EPB41L2: variants seen among roughly 807,000 people sequenced by gnomAD.
The protein encoded by EPB41L2 is erythrocyte membrane protein band 4.1 like 2.
A neutral mutation model predicts 113.0 loss-of-function variants in EPB41L2; 43 were observed. That is an observed-to-expected ratio of 0.38 (90% confidence interval 0.30 to 0.49). The LOEUF is 0.49. Ranked by LOEUF, EPB41L2 falls within the 20% of genes least tolerant of loss-of-function variation. EPB41L2 has a pLI of 0.95. For missense variants in EPB41L2, 1,147 were observed against 1,223.4 expected, an observed-to-expected ratio of 0.94 and a Z score of 0.93; for synonymous variants, 442 against 436.7, an observed-to-expected ratio of 1.01 and a Z score of -0.15.
chr6:130,982,209 C>T (rs1452616124), intron 1 of EPB41L2, among the ~76,000 whole-genome samples: 1 of 152,024 alleles, frequency 6.6e-6, no homozygotes, highest in African/African-American at 2.4e-5. Context: ...GCTTTCAATA[C>T]TGTAGTTTTG....
chr6:130,943,905 C>T lies in EPB41L2; in HGVS notation c.705+11200G>A, dbSNP rs969886023. Among the ~76,000 whole-genome samples the T allele has an allele frequency of 3.0e-4, 46 of 152,044 alleles. 1 individual carries two copies. The highest frequency in any genetic ancestry group is 2.0e-4 in the Admixed American group (3 of 15,236). The stretch of plus-strand genomic sequence containing the variant: ...AACAGAAGTGAAAGAACAGAGCTTC[C>T]GGGAGCCTGCAATTCCCTCTGAGCT... On this transcript the variant is annotated intron_variant, in intron 3 of 19. Coordinates refer to ENST00000337057, the MANE Select transcript of EPB41L2 (RefSeq NM_001431.4).
intron 1 of EPB41L2, among the ~76,000 whole-genome samples, chr6:130,980,446 A>C (rs1238226522): frequency 6.6e-6 from 1 of 152,222 alleles, no homozygotes; most frequent in South Asian, 2.1e-4. Flanking sequence ...ACCACAGAGA[A>C]GAGTTTAACC....
intron 3 of EPB41L2, among the ~76,000 whole-genome samples, chr6:130,952,325 A>G (rs914164357): frequency 1.8e-5 from 2 of 108,694 alleles, no homozygotes; most frequent in Non-Finnish European, 4.7e-5. Flanking sequence ...AGAAACTCTT[A>G]CACAAGGAAA....
At chr6:130,933,717 G>T (rs962960184) in intron 3 of EPB41L2, among the ~76,000 whole-genome samples, 3 of 152,212 alleles carry the variant, frequency 2.0e-5, no homozygotes, top group Admixed American at 1.3e-4. Context: ...GCCCAAGGAA[G>T]GCAGGCTGGA....
intron 3 of EPB41L2, among the ~76,000 whole-genome samples, chr6:130,943,104 A>G (rs4897477): frequency 0.27 from 40,969 of 152,068 alleles, 6,888 homozygotes; most frequent in Non-Finnish European, 0.37. Flanking sequence ...TCCTTTGGGT[A>G]TATACCCAGT....
At chr6:130,912,053 C>G (rs1336948731) in intron 4 of EPB41L2, among the ~76,000 whole-genome samples, 1 of 152,152 alleles carries the variant, frequency 6.6e-6, no homozygotes, top group Non-Finnish European at 1.5e-5. Context: ...GGAGCACAAA[C>G]CCTATTGTGA....
At chr6:130,875,984 CAAAA>C (rs11452626) in intron 14 of EPB41L2, among the ~76,000 whole-genome samples, 1 of 128,498 alleles carries the variant, frequency 7.8e-6, no homozygotes. Context: ...GAGTGCATCT[CAAAA>C]AAAAAAAAAA....
chr6:130,911,374 T>TG (rs1216168411), intron 4 of EPB41L2, among the ~76,000 whole-genome samples: 3 of 151,452 alleles, frequency 2.0e-5, no homozygotes, highest in Non-Finnish European at 4.4e-5. Context: ...TGTTGGGGTG[T>TG]GGGGGGCTAG....
At chr6:131,023,756 G>GATATATAT (rs1379644607) in intron 1 of EPB41L2, among the ~76,000 whole-genome samples, 5 of 44,726 alleles carry the variant, frequency 1.1e-4, no homozygotes, top group African/African-American at 5.8e-4. Flanking sequence ...TCTATATATA[G>GATATATAT]ATATATAGAT....
chr6:131,046,568 A>T lies in EPB41L2; in HGVS notation c.-15+16587T>A, dbSNP rs143236515. ...ACCAACAATAGCCCAATATTCCAATAACACACCTGCCATTTCAAGGTACTC... is the reference window on the plus strand; with the variant it reads ...ACCAACAATAGCCCAATATTCCAATTACACACCTGCCATTTCAAGGTACTC... On this transcript the variant is annotated intron_variant, in intron 1 of 19. Coordinates refer to ENST00000337057, the MANE Select transcript of EPB41L2 (RefSeq NM_001431.4). 1.4e-4 allele frequency among the ~76,000 whole-genome samples: 21 copies of T among 152,352 alleles called. No homozygotes were observed. The East Asian group carries it at 2.9e-3, about 21-fold the overall frequency.
intron 19 of EPB41L2, among the ~76,000 whole-genome samples, chr6:130,844,347 G>A (rs988975243): frequency 6.6e-6 from 1 of 151,970 alleles, no homozygotes; most frequent in African/African-American, 2.4e-5. Context: ...CAGATCACGA[G>A]GTCAGGGGTT....
intron 1 of EPB41L2, chr6:130,970,202 C>T (rs1468312097): frequency 6.6e-6 from 1 of 152,158 alleles, no homozygotes; most frequent in African/African-American, 2.4e-5. Flanking sequence ...CCTCCACAAG[C>T]AGAAACAAAC....
chr6:130,894,975 G>A lies in EPB41L2; in HGVS notation c.1381C>T (p.Pro461Ser), dbSNP rs767760001. The change falls in exon 9 of 20, where the codon CCG becomes TCG. Residue 461 changes from proline (P) to serine (S), a missense_variant. Physicochemically the swap from Pro to Ser is moderately conservative, Grantham distance 74 (BLOSUM62 -1). Transcript: ENST00000337057. ...KRSNFYIKVRPAELEQFESTI... is the reference protein window; with the variant it reads ...KRSNFYIKVRSAELEQFESTI... The stretch of plus-strand genomic sequence containing the variant: ...GAAATGTCTTGGCTTACCTCTGCCG[G>A]TCTGACTTTAATGTAGAAGTTACTG... 1 of 1,613,208 alleles carries A rather than the reference G, an allele frequency of 6.2e-7. No individual in the cohort carries two copies. Among genetic ancestry groups the A allele is most frequent in the Non-Finnish European group, 8.5e-7 (1 of 1,179,438 alleles).
intron 1 of EPB41L2, among the ~76,000 whole-genome samples, chr6:131,018,222 C>T (rs965582801): frequency 3.9e-5 from 6 of 152,106 alleles, no homozygotes; most frequent in Admixed American, 3.9e-4. Flanking sequence ...GCCTCATTTT[C>T]ACCTCTGCAA....
At chr6:130,844,681 T>C (rs1373720812) in intron 19 of EPB41L2, among the ~76,000 whole-genome samples, 1 of 152,224 alleles carries the variant, frequency 6.6e-6, no homozygotes, top group Non-Finnish European at 1.5e-5. Context: ...AACTTTTCAT[T>C]TTATTCTTCT....
In EPB41L2 at chr6:130,863,678, C is replaced by T. The variant is rs546185609; in HGVS notation, c.2870G>A (p.Arg957His). ...ATCTCCATCTCCTGTGATCACAATG[C>T]GTTTCTCAATTCTTGTTTCAGAAAT... ...GGISETRIEK[R>H]IVITGDGDID... The change falls in exon 18 of 20, where the codon CGC (arginine) becomes CAC (histidine). Residue 957 changes from arginine (R) to histidine (H), a missense_variant. Transcript: ENST00000337057. 2.5e-5 allele frequency: 41 copies of T among 1,613,652 alleles called. No homozygotes were observed. Among genetic ancestry groups the T allele is most frequent in the Admixed American group, 8.3e-5 (5 of 60,012 alleles).
chr6:130,932,978 C>T (rs1289700539), intron 3 of EPB41L2, among the ~76,000 whole-genome samples: 1 of 152,216 alleles, frequency 6.6e-6, no homozygotes, highest in Admixed American at 6.5e-5. Flanking sequence ...TGGGAGAAGA[C>T]CAGCACAGAC....
chr6:130,932,033 T>G (rs1035358577), intron 3 of EPB41L2, among the ~76,000 whole-genome samples: 1 of 152,204 alleles, frequency 6.6e-6, no homozygotes, highest in Non-Finnish European at 1.5e-5. Context: ...AATAAAATGT[T>G]TGGCTTATTA....
chr6:131,035,899 G>T (rs1793208363), intron 1 of EPB41L2, among the ~76,000 whole-genome samples: 1 of 152,126 alleles, frequency 6.6e-6, no homozygotes, highest in African/African-American at 2.4e-5. Context: ...TTAAAAAATG[G>T]CACCAAAGTT....
Sources: allele counts gnomAD v4.1 joint callset (sites outside exome capture counted in the v4.1 genomes callset), GRCh38; gene constraint gnomAD v4.1.1; transcripts MANE v1.5; gene names NCBI Gene and HGNC (gene_info 2026-07-23, HGNC 2026-07-21).